STK39: variants seen among roughly 807,000 people sequenced by gnomAD.
The protein encoded by STK39 is STE20/SPS1-related proline-alanine-rich protein kinase.
STK39 carries 20 observed loss-of-function variants against 77.8 expected under a neutral mutation model. The ratio of observed to expected loss-of-function variants is 0.26; its 90% CI spans 0.18 to 0.37. The LOEUF is 0.37. Ranked by LOEUF, STK39 falls within the 10% of genes least tolerant of loss-of-function variation. The probability of loss-of-function intolerance (pLI) is 1.00; values close to 1 mark genes in which losing one functional copy is unlikely to be tolerated. For missense variants in STK39, 479 were observed against 656.5 expected (o/e 0.73, Z 2.95); for synonymous variants, 246 against 234.1 (o/e 1.05, Z -0.47).
intron 12 of STK39, among the ~76,000 whole-genome samples, 174 bp downstream of exon 12, chr2:168,074,808 G>C (rs566219577): frequency 6.6e-6 from 1 of 152,112 alleles, no homozygotes; most frequent in African/African-American, 2.4e-5. Context: ...AATTTGCCCC[G>C]ATTTATTCAG....
chr2:168,207,607 A>G (rs1302799036), intron 1 of STK39, among the ~76,000 whole-genome samples: 1 of 152,260 alleles, frequency 6.6e-6, no homozygotes, highest in Non-Finnish European at 1.5e-5. Context: ...GGAGTAAATC[A>G]TATCCACAGC....
chr2:168,011,492 AG>A (rs1448069074), intron 16 of STK39, among the ~76,000 whole-genome samples: 2 of 152,200 alleles, frequency 1.3e-5, no homozygotes, highest in African/African-American at 2.4e-5. Context: ...TTGATTAGTT[AG>A]GGTTATTATG....
intron 14 of STK39, among the ~76,000 whole-genome samples, chr2:168,053,058 AAG>A (rs1685437552): frequency 6.6e-6 from 1 of 152,246 alleles, no homozygotes; most frequent in African/African-American, 2.4e-5. Flanking sequence ...CTCAAAGTCT[AAG>A]AGCATTTCAC....
intron 1 of STK39, among the ~76,000 whole-genome samples, chr2:168,234,287 G>C (rs1483451423): frequency 2.0e-5 from 3 of 152,242 alleles, no homozygotes; most frequent in Admixed American, 2.0e-4. Context: ...CTGTAAGGCA[G>C]TCGTAGCCAC....
chr2:168,236,331 A>C (rs2105271211), intron 1 of STK39, among the ~76,000 whole-genome samples: 1 of 152,148 alleles, frequency 6.6e-6, no homozygotes, highest in East Asian at 1.9e-4. Flanking sequence ...GTTGGAGTTC[A>C]TTGTAGATTC....
At chr2:167,999,751 T>C (rs1040286578) in intron 16 of STK39, among the ~76,000 whole-genome samples, 2 of 152,170 alleles carry the variant, frequency 1.3e-5, no homozygotes, top group Admixed American at 6.5e-5. Context: ...CATGAACCAC[T>C]GCGCCCGGCC....
intron 1 of STK39, among the ~76,000 whole-genome samples, chr2:168,190,053 C>G (rs1414591135): frequency 1.3e-5 from 2 of 152,190 alleles, no homozygotes; most frequent in African/African-American, 2.4e-5. Flanking sequence ...CCTCACCATT[C>G]CCAGGCAGGG....
intron 1 of STK39, among the ~76,000 whole-genome samples, chr2:168,246,785 G>A (rs1013348810): frequency 6.6e-6 from 1 of 152,114 alleles, no homozygotes; most frequent in Admixed American, 6.5e-5. Context: ...GAGTCCCCCA[G>A]GACGCGGCCC....
chr2:168,095,234 C>G (rs190042331), intron 10 of STK39, among the ~76,000 whole-genome samples: 1 of 152,308 alleles, frequency 6.6e-6, no homozygotes, highest in Non-Finnish European at 1.5e-5. Flanking sequence ...CATCCCAACC[C>G]CATGGCTTAA....
chr2:168,045,172 G>GT (rs1281033691), intron 14 of STK39, among the ~76,000 whole-genome samples: 6 of 151,924 alleles, frequency 3.9e-5, no homozygotes, highest in African/African-American at 1.5e-4. Flanking sequence ...ATTTAATCTG[G>GT]TTAAAAAAAA....
chr2:167,987,738 C>T (rs1683597809), intron 16 of STK39, among the ~76,000 whole-genome samples: 1 of 152,104 alleles, frequency 6.6e-6, no homozygotes. Context: ...CCCAAATAAC[C>T]CCATCTATCT....
At chr2:168,085,827 A>G (rs2105424008) in intron 10 of STK39, among the ~76,000 whole-genome samples, 1 of 152,264 alleles carries the variant, frequency 6.6e-6, no homozygotes, top group East Asian at 1.9e-4. Context: ...ACCTATAACC[A>G]ACAGAAATGA....
chr2:168,173,711 C>T (rs1221758741), intron 2 of STK39, among the ~76,000 whole-genome samples: 1 of 152,042 alleles, frequency 6.6e-6, no homozygotes, highest in East Asian at 1.9e-4. Context: ...GTGTGTGCCA[C>T]CTAATTTTTG....
intron 14 of STK39, among the ~76,000 whole-genome samples, chr2:168,040,514 A>G (rs1376388267): frequency 1.3e-5 from 2 of 152,220 alleles, no homozygotes; most frequent in African/African-American, 2.4e-5. Context: ...TCAAAATGGG[A>G]TAACTTTAGG....
chr2:168,087,125 C>G (rs1686388661), intron 10 of STK39, among the ~76,000 whole-genome samples: 1 of 152,160 alleles, frequency 6.6e-6, no homozygotes, highest in African/African-American at 2.4e-5. Flanking sequence ...TCATGTAAGA[C>G]CAAAGGAAAA....
At chr2:168,229,095 C>T (rs184439553) in intron 1 of STK39, among the ~76,000 whole-genome samples, 1 of 152,112 alleles carries the variant, frequency 6.6e-6, no homozygotes. Context: ...ATAGGCCAGG[C>T]GTGGTGGCTC....
chr2:168,131,505 A>G (rs1192197547), intron 8 of STK39, among the ~76,000 whole-genome samples: 1 of 152,228 alleles, frequency 6.6e-6, no homozygotes, highest in East Asian at 1.9e-4. Flanking sequence ...CATAGAAAGA[A>G]TTAGAAAATG....
chr2:167,986,581 T>C (rs929601317), intron 16 of STK39, among the ~76,000 whole-genome samples: 18 of 152,220 alleles, frequency 1.2e-4, no homozygotes, highest in Admixed American at 7.8e-4. Flanking sequence ...CAGCCTTAGA[T>C]ACCTGAGCAC....
At position 168,236,768 on chromosome 2, in the gene STK39, G is replaced by A. The variant is rs538323155; in HGVS notation, c.208+10460C>T. The stretch of plus-strand genomic sequence containing the variant: ...AAGATCAGATGGTTGTAGATATGCG[G>A]CATTATTTCTGAGGGCTCTGTTCTG... On this transcript the variant is annotated intron_variant, in intron 1 of 17. Transcript: ENST00000355999. Among the ~76,000 whole-genome samples the A allele has an allele frequency of 2.9e-3, 449 of 152,204 alleles. 2 individuals carry two copies. The highest frequency in any genetic ancestry group is 0.021 in the Admixed American group (316 of 15,296).
Sources: gnomAD v4.1 joint callset for allele counts (sites outside exome capture counted in the v4.1 genomes callset) on GRCh38, gnomAD v4.1.1 for gene constraint, MANE v1.5 for transcripts, NCBI Gene and HGNC (gene_info 2026-07-23, HGNC 2026-07-21) for gene names.